Variants in SAMD4A observed in about 807,000 individuals in gnomAD.
The protein encoded by SAMD4A is protein Smaug homolog 1.
In SAMD4A, 33 loss-of-function variants were observed where a neutral mutation model predicts 81.3. That is an observed-to-expected ratio of 0.41 (90% CI 0.31 to 0.54). The LOEUF (loss-of-function observed/expected upper bound fraction) is 0.54. SAMD4A is among the 20% of genes least tolerant of loss of function. SAMD4A has a pLI of 0.37. For missense variants in SAMD4A, 854 were observed against 951.1 expected (o/e 0.90, Z 1.34); for synonymous variants, 389 against 382.1 (o/e 1.02, Z -0.21).
At chr14:54,616,012 T>C (rs1268403549) in intron 2 of SAMD4A, among the ~76,000 whole-genome samples, 2 of 152,188 alleles carry the variant, frequency 1.3e-5, no homozygotes, top group Non-Finnish European at 2.9e-5. Context: ...TAAAATTTAC[T>C]TGTATTTATA....
chr14:54,644,985 T>A (rs2035256022), intron 2 of SAMD4A, among the ~76,000 whole-genome samples: 1 of 152,144 alleles, frequency 6.6e-6, no homozygotes, highest in Admixed American at 6.6e-5. Context: ...GTTAAAAAAA[T>A]AGTTATCTGA....
rs2039210655 is a variant in SAMD4A at position 54,788,952 on chromosome 14, AGAC to A, written c.*11_*13del. The A allele has an allele frequency of 1.2e-6, 2 of 1,614,152 alleles. No homozygotes were observed. The highest frequency in any genetic ancestry group is 1.7e-6 in the Non-Finnish European group (2 of 1,179,982). On this transcript the variant is annotated 3_prime_UTR_variant, in exon 13 of 13. Transcript: ENST00000554335. ...CGGACCTCCACCATCTAGAAGCTGA[AGAC>A]GAGAGTGACCGCGCTGGCCGTGAAA...
At chr14:54,684,614 C>T (rs12887842) in intron 2 of SAMD4A, among the ~76,000 whole-genome samples, 1 of 57,740 alleles carries the variant, frequency 1.7e-5, no homozygotes, top group Admixed American at 1.6e-4. Context: ...ACACCCCCGC[C>T]CCCCCCCCCA....
chr14:54,652,847 GTT>G (rs1217203316), intron 2 of SAMD4A: 1 of 152,164 alleles, frequency 6.6e-6, no homozygotes, highest in Non-Finnish European at 1.5e-5. Flanking sequence ...TTTGGTAACT[GTT>G]TTGGTGAATG....
intron 2 of SAMD4A, chr14:54,681,860 G>C: frequency 1.0e-6 from 1 of 985,354 alleles, no homozygotes; most frequent in Non-Finnish European, 1.2e-6. Context: ...AAAGATAAGC[G>C]GTTTAAGTAA....
At position 54,653,973 on chromosome 14, in the gene SAMD4A, A is replaced by T. The variant is rs557719954; in HGVS notation, c.197-48089A>T. On this transcript the variant is annotated intron_variant, in intron 2 of 12. Coordinates refer to ENST00000554335, the MANE Select transcript of SAMD4A (RefSeq NM_015589.6). ...TTTGCCCTTGCAAATACCATTCGGT[A>T]TGAAAGTATTTTAGAGCAACTGAGT... 5.9e-4 allele frequency among the ~76,000 whole-genome samples: 90 copies of T among 152,334 alleles called. 4 individuals carry two copies. In the South Asian group the frequency reaches 0.017, roughly 28 times the overall value.
At chr14:54,578,473 G>C (rs1481257678) in intron 2 of SAMD4A, among the ~76,000 whole-genome samples, 1 of 152,100 alleles carries the variant, frequency 6.6e-6, no homozygotes, top group Non-Finnish European at 1.5e-5. Flanking sequence ...CACTTTGGTA[G>C]GCTGAAGCGG....
chr14:54,568,187 C>G lies in SAMD4A; in HGVS notation c.196+75C>G. On this transcript the variant is annotated intron_variant, in intron 2 of 12. Transcript: ENST00000554335. ...CCTCCCTCCGCTTCTCTGCCTCGGG[C>G]CAGGCCGAGGCCAGTCCCTGCCAGC... is the stretch of plus-strand genomic sequence containing the variant. The G allele has an allele frequency of 3.1e-6, 4 of 1,293,746 alleles. No individual in the cohort carries two copies. In the South Asian group the frequency reaches 6.5e-5, roughly 21 times the overall value. 80.1% of individuals were successfully genotyped at this position (1,293,746 alleles called of 1,614,324 possible).
intron 5 of SAMD4A, among the ~76,000 whole-genome samples, chr14:54,749,550 A>G (rs1422264704): frequency 6.6e-6 from 1 of 152,210 alleles, no homozygotes; most frequent in Non-Finnish European, 1.5e-5. Flanking sequence ...TGAGATTTCC[A>G]TAGGTCTCAG....
At chr14:54,721,762 T>A (rs1370823038) in intron 3 of SAMD4A, among the ~76,000 whole-genome samples, 1 of 152,160 alleles carries the variant, frequency 6.6e-6, no homozygotes, top group Non-Finnish European at 1.5e-5. Context: ...CTGGAGAGAA[T>A]GGAAAGATTA....
rs34263162 is a variant in SAMD4A, at chr14:54,737,561, T to TTTTG, written c.979+274_979+275insTTTG. 8.1e-4 allele frequency among the ~76,000 whole-genome samples: 99 copies of TTTTG among 122,642 alleles called. 3 individuals are homozygous for TTTTG. Among genetic ancestry groups the TTTTG allele is most frequent in the African/African-American group, 2.8e-3 (91 of 32,174 alleles). The allele number at this position is 122,642 out of a possible 152,430, so 80.5% of individuals were successfully genotyped here. ...CTCTCTCTTTTTTTTTTTTTTTTTT[T>TTTTG]GCATTGCAGTGACTTGTAGACCATT... is the stretch of plus-strand genomic sequence containing the variant. On this transcript the variant is annotated intron_variant, in intron 4 of 12. Transcript: ENST00000554335.
At chr14:54,657,947 GT>G (rs1481732079) in intron 2 of SAMD4A, among the ~76,000 whole-genome samples, 1 of 152,156 alleles carries the variant, frequency 6.6e-6, no homozygotes, top group African/African-American at 2.4e-5. Context: ...TCAACTTTAG[GT>G]TCTAGGACCT....
chr14:54,585,417 T>C (rs890780988), intron 2 of SAMD4A, among the ~76,000 whole-genome samples: 1 of 152,218 alleles, frequency 6.6e-6, no homozygotes, highest in African/African-American at 2.4e-5. Context: ...ATGTTAACCA[T>C]GACATCATTC....
At chr14:54,658,642 C>G (rs2035575402) in intron 2 of SAMD4A, among the ~76,000 whole-genome samples, 1 of 152,200 alleles carries the variant, frequency 6.6e-6, no homozygotes, top group South Asian at 2.1e-4. Context: ...CAGCCACTGT[C>G]ATTGACTTCT....
In SAMD4A at chr14:54,760,298, C is replaced by T. The variant is rs1252535499; in HGVS notation, c.1314C>T (p.Pro438=). The T allele has an allele frequency of 6.2e-7, 1 of 1,611,102 alleles. No homozygotes were observed. The highest frequency in any genetic ancestry group is 1.3e-5 in the African/African-American group (1 of 74,944). The stretch of plus-strand genomic sequence containing the variant: ...GGGAGCCCCAGGCCCCGCGTCAGCC[C>T]TCACTGATGGGCCCCGAGAGCCAGA... ...RRREPQAPRQ[P]SLMGPESQSP... Residue 438 remains proline, a synonymous_variant, in exon 7 of 13, where the codon CCC becomes CCT. Transcript: ENST00000554335.
chr14:54,718,007 G>A (rs1400706177), intron 3 of SAMD4A, among the ~76,000 whole-genome samples: 2 of 151,240 alleles, frequency 1.3e-5, no homozygotes, highest in Non-Finnish European at 2.9e-5. Flanking sequence ...AGAGACAGCT[G>A]CATAATTTTT....
intron 2 of SAMD4A, among the ~76,000 whole-genome samples, chr14:54,678,491 G>GCAGC (rs2036045205): frequency 1.2e-5 from 1 of 80,766 alleles, no homozygotes; most frequent in African/African-American, 4.0e-5. Flanking sequence ...GTGTGTGTGT[G>GCAGC]TGTGTGTGTG....
intron 4 of SAMD4A, among the ~76,000 whole-genome samples, chr14:54,745,739 G>C (rs1191052776): frequency 6.6e-6 from 1 of 152,268 alleles, no homozygotes; most frequent in East Asian, 1.9e-4. Context: ...CACTGCATAA[G>C]AGAGTGACTT....
intron 2 of SAMD4A, among the ~76,000 whole-genome samples, chr14:54,635,409 G>C (rs1018388760): frequency 6.6e-6 from 1 of 150,932 alleles, no homozygotes; most frequent in Non-Finnish European, 1.5e-5. Flanking sequence ...TGGACAACAA[G>C]AATGAAACTC....
Sources: allele counts gnomAD v4.1 joint callset (sites outside exome capture counted in the v4.1 genomes callset), GRCh38; gene constraint gnomAD v4.1.1; transcripts MANE v1.5; gene names NCBI Gene and HGNC (gene_info 2026-07-23, HGNC 2026-07-21).